CHLSN: variants seen among roughly 807,000 people sequenced by gnomAD.
CHLSN encodes the protein cholesin.
chr7:1,024,810 G>A, the CHLSN span: 1 of 152,254 alleles, frequency 6.6e-6, no homozygotes, highest in Admixed American at 6.5e-5. Context: ...GATCCTGCGA[G>A]CGGCTATTTA....
the CHLSN span, chr7:983,377 C>T: frequency 0.32 from 480,032 of 1,512,780 alleles, 77,531 homozygotes; most frequent in African/African-American, 0.47. Flanking sequence ...GGACCGGTCC[C>T]TGATGGAGGT....
the CHLSN span, among the ~76,000 whole-genome samples, chr7:1,004,143 G>A: frequency 6.6e-6 from 1 of 152,066 alleles, no homozygotes; most frequent in South Asian, 2.1e-4. Context: ...TTTAATTTTA[G>A]TTCCTTTCTT....
the CHLSN span, among the ~76,000 whole-genome samples, chr7:1,107,921 C>T: frequency 1.4e-4 from 20 of 145,400 alleles, no homozygotes; most frequent in Middle Eastern, 3.5e-3. Flanking sequence ...AGGGCTGTGT[C>T]CCACACTGGA....
chr7:990,985 C>T, the CHLSN span, among the ~76,000 whole-genome samples: 1 of 152,066 alleles, frequency 6.6e-6, no homozygotes, highest in African/African-American at 2.4e-5. Context: ...CCCTTGTGCC[C>T]CCAACTTAGT....
the CHLSN span, among the ~76,000 whole-genome samples, chr7:1,012,525 C>T: frequency 1.3e-5 from 2 of 152,244 alleles, no homozygotes; most frequent in East Asian, 1.9e-4. Context: ...TCCTTCACAC[C>T]CACTCTTGCT....
the CHLSN span, chr7:997,909 C>A: frequency 2.8e-6 from 3 of 1,080,846 alleles, no homozygotes; most frequent in South Asian, 1.4e-5. Context: ...CTCAGGCTTC[C>A]GTCCTCCCAC....
At chr7:1,060,552 C>G in the CHLSN span, among the ~76,000 whole-genome samples, 4 of 152,212 alleles carry the variant, frequency 2.6e-5, no homozygotes, top group African/African-American at 9.6e-5. Flanking sequence ...GCTCTGGTCC[C>G]AGTCTCCTGG....
At chr7:1,124,564 GGT>G in the CHLSN span, among the ~76,000 whole-genome samples, 60 of 102,026 alleles carry the variant, frequency 5.9e-4, 1 homozygote, top group African/African-American at 3.2e-3. Context: ...GCAGTCGGGG[GGT>G]GGGGGGGGAG....
At chr7:999,239 G>A in the CHLSN span, among the ~76,000 whole-genome samples, 238 of 152,292 alleles carry the variant, frequency 1.6e-3, 3 homozygotes, top group African/African-American at 5.4e-3. Context: ...AAAACAAAAC[G>A]TGGAAACCCA....
At chr7:1,127,349 C>G in the CHLSN span, 2 of 1,608,536 alleles carry the variant, frequency 1.2e-6, no homozygotes, top group African/African-American at 1.3e-5. Context: ...TTCTTTTTCT[C>G]TGTCACTTCA....
chr7:1,058,172 C>T, the CHLSN span: 1 of 740,070 alleles, frequency 1.4e-6, no homozygotes, highest in Non-Finnish European at 2.5e-6. Flanking sequence ...AGGACACGCC[C>T]CTGGACCGGG....
chr7:1,077,379 T>A, the CHLSN span, among the ~76,000 whole-genome samples: 1 of 152,200 alleles, frequency 6.6e-6, no homozygotes, highest in South Asian at 2.1e-4. Flanking sequence ...ATGGTCTCTA[T>A]CTCCTGACCT....
chr7:1,068,798 C>T, the CHLSN span, among the ~76,000 whole-genome samples: 1 of 152,202 alleles, frequency 6.6e-6, no homozygotes, highest in East Asian at 1.9e-4. Flanking sequence ...AGCCCCTGAG[C>T]TGACTAGGAT....
the CHLSN span, among the ~76,000 whole-genome samples, chr7:1,034,154 G>A: frequency 1.6e-3 from 241 of 152,328 alleles, 1 homozygote; most frequent in Non-Finnish European, 2.3e-3. Flanking sequence ...TGGCATTCCC[G>A]TGCTACCACC....
At chr7:1,072,338 A>T in the CHLSN span, among the ~76,000 whole-genome samples, 2 of 152,206 alleles carry the variant, frequency 1.3e-5, no homozygotes, top group African/African-American at 2.4e-5. Flanking sequence ...AGCGAAGCTC[A>T]TGAATGCCCC....
the CHLSN span, chr7:1,092,829 G>T: frequency 6.2e-7 from 1 of 1,613,044 alleles, no homozygotes; most frequent in South Asian, 1.1e-5. Flanking sequence ...CCGAGCAGTC[G>T]GATGTGAGGT....
chr7:1,016,869 G>GCAGGACA, the CHLSN span, among the ~76,000 whole-genome samples: 3 of 48,656 alleles, frequency 6.2e-5, no homozygotes, highest in African/African-American at 1.9e-4. Context: ...ACAGCACACA[G>GCAGGACA]CAGCGCACAG....
the CHLSN span, among the ~76,000 whole-genome samples, chr7:982,638 T>C: frequency 6.6e-6 from 1 of 152,234 alleles, no homozygotes; most frequent in African/African-American, 2.4e-5. Flanking sequence ...GGTGGTGGCC[T>C]GTGAGGACTG....
At chr7:1,010,023 C>T in the CHLSN span, 1 of 1,606,740 alleles carries the variant, frequency 6.2e-7, no homozygotes, top group Non-Finnish European at 8.5e-7. Context: ...AGGCCTGCCT[C>T]CCGCAGACGC....
Sources: allele counts gnomAD v4.1 joint callset (sites outside exome capture counted in the v4.1 genomes callset), GRCh38; gene constraint gnomAD v4.1.1; transcripts MANE v1.5; gene names NCBI Gene and HGNC (gene_info 2026-07-23, HGNC 2026-07-21).